The following NOL10 variants were observed in gnomAD, a reference collection of about 807,000 sequenced individuals.
The protein encoded by NOL10 is H_NH0074G24.1.
NOL10 carries 58 observed loss-of-function variants against 103.5 expected under a neutral mutation model. The ratio of observed to expected loss-of-function variants is 0.56; its 90% CI spans 0.45 to 0.70. The LOEUF (loss-of-function observed/expected upper bound fraction) is 0.70. Ranked by LOEUF, NOL10 falls within the 30% of genes least tolerant of loss-of-function variation. NOL10 has a pLI of 0.00. For missense variants in NOL10, 763 were observed against 807.3 expected (o/e 0.95, Z 0.67); for synonymous variants, 287 against 282.5 (o/e 1.02, Z -0.16).
rs1410531347 is a variant in NOL10, at chr2:10,570,772, T to G, written c.*1299A>C. 6.6e-6 allele frequency: 1 copy of G among 151,922 alleles called. No homozygotes were observed. Among genetic ancestry groups the G allele is most frequent in the African/African-American group, 2.4e-5 (1 of 41,358 alleles). The allele number at this position is 151,922 out of a possible 1,614,324, so 9.4% of individuals were successfully genotyped here. ...GTCTTTCTCAAAGAAGCTATTCAAATGAAAGTATATTTATTTTTATAAATG... is the reference window on the plus strand; with the variant it reads ...GTCTTTCTCAAAGAAGCTATTCAAAGGAAAGTATATTTATTTTTATAAATG... On this transcript the variant is annotated 3_prime_UTR_variant, in exon 21 of 21. Transcript: ENST00000381685.
chr2:10,622,609 CTG>C (rs1458252443), intron 13 of NOL10, among the ~76,000 whole-genome samples: 1 of 152,122 alleles, frequency 6.6e-6, no homozygotes. Flanking sequence ...TTCAAGTACT[CTG>C]TAAAGGAGCG....
chr2:10,622,260 G>C (rs564191706), intron 13 of NOL10: 1 of 449,946 alleles, frequency 2.2e-6, no homozygotes, highest in Non-Finnish European at 4.6e-6. Context: ...CTTGATTTAC[G>C]TGCTGACCAA....
At chr2:10,688,076 G>A (rs760582026) in intron 1 of NOL10, among the ~76,000 whole-genome samples, 74 of 152,064 alleles carry the variant, frequency 4.9e-4, no homozygotes, top group Non-Finnish European at 9.9e-4. Flanking sequence ...CTTCCTTTTT[G>A]TCACCTCAAC....
At chr2:10,669,441 G>GTATATATATATATATTTTTATTTTTTA in intron 6 of NOL10, among the ~76,000 whole-genome samples, 1 of 139,402 alleles carries the variant, frequency 7.2e-6, no homozygotes, top group Admixed American at 7.5e-5. Context: ...GTATGTATTT[G>GTATATATATATATATTTTTATTTTTTA]TATATATATA....
intron 13 of NOL10, among the ~76,000 whole-genome samples, chr2:10,638,330 G>GACGTA (rs3061339): frequency 0.041 from 3,765 of 92,730 alleles, 88 homozygotes; most frequent in East Asian, 0.13. Context: ...GACGTGACGT[G>GACGTA]ACGTAACGTA....
intron 12 of NOL10, among the ~76,000 whole-genome samples, chr2:10,646,764 C>CT (rs1558318816): frequency 6.6e-6 from 1 of 152,332 alleles, no homozygotes; most frequent in East Asian, 1.9e-4. Context: ...CACTGACAGT[C>CT]TACCAATTCC....
At chr2:10,610,871 T>C (rs1336262733) in intron 13 of NOL10, among the ~76,000 whole-genome samples, 5 of 152,274 alleles carry the variant, frequency 3.3e-5, no homozygotes. Flanking sequence ...GGACTATCAC[T>C]ACTACCTCAA....
intron 17 of NOL10, among the ~76,000 whole-genome samples, chr2:10,593,004 A>C (rs1675468979): frequency 6.6e-6 from 1 of 152,244 alleles, no homozygotes; most frequent in Non-Finnish European, 1.5e-5. Flanking sequence ...AAAACATTAA[A>C]GTACTATTCA....
At chr2:10,677,436 A>C (rs1572432000) in intron 3 of NOL10, among the ~76,000 whole-genome samples, 1 of 151,800 alleles carries the variant, frequency 6.6e-6, no homozygotes, top group Non-Finnish European at 1.5e-5. Context: ...AAAGAAAAAA[A>C]AAAGGTTATT....
At chr2:10,628,386 T>C (rs1381050648) in intron 13 of NOL10, among the ~76,000 whole-genome samples, 3 of 152,158 alleles carry the variant, frequency 2.0e-5, no homozygotes, top group African/African-American at 7.2e-5. Context: ...ACTTAACCTT[T>C]ATTCCTTTGA....
At chr2:10,621,534 C>CAGTG (rs1677148176) in intron 13 of NOL10, among the ~76,000 whole-genome samples, 1 of 152,166 alleles carries the variant, frequency 6.6e-6, no homozygotes, top group Non-Finnish European at 1.5e-5. Flanking sequence ...TTCAAGGCTG[C>CAGTG]AGTGAGCTGT....
intron 13 of NOL10, among the ~76,000 whole-genome samples, chr2:10,638,472 A>G (rs1678456580): frequency 7.0e-6 from 1 of 143,826 alleles, no homozygotes. Context: ...ATACCCTTAT[A>G]GCTGAATTCC....
chr2:10,596,049 A>G (rs1279099795), intron 17 of NOL10, among the ~76,000 whole-genome samples: 1 of 152,174 alleles, frequency 6.6e-6, no homozygotes, highest in Non-Finnish European at 1.5e-5. Flanking sequence ...GATCCAACCC[A>G]AAGTATCTGT....
intron 20 of NOL10, among the ~76,000 whole-genome samples, chr2:10,573,788 T>C (rs1674309045): frequency 6.6e-6 from 1 of 152,178 alleles, no homozygotes; most frequent in African/African-American, 2.4e-5. Context: ...TCCTGTCCTG[T>C]GTATTCTTCT....
At chr2:10,660,968 C>T (rs1254420241) in intron 9 of NOL10, among the ~76,000 whole-genome samples, 2 of 151,220 alleles carry the variant, frequency 1.3e-5, no homozygotes, top group African/African-American at 4.9e-5. Context: ...TTACCTAAAA[C>T]CAAATCAGAA....
intron 20 of NOL10, among the ~76,000 whole-genome samples, chr2:10,574,999 C>T (rs535321668): frequency 3.3e-5 from 5 of 152,342 alleles, no homozygotes; most frequent in East Asian, 3.9e-4. Flanking sequence ...AAGGCCTTGC[C>T]GCCATGTGGC....
intron 19 of NOL10, among the ~76,000 whole-genome samples, chr2:10,587,275 A>ATATATTTT (rs1280231319): frequency 4.4e-5 from 1 of 22,582 alleles, no homozygotes; most frequent in African/African-American, 2.9e-4. Context: ...ATATATATAT[A>ATATATTTT]TTTTTTTTTT....
intron 8 of NOL10, among the ~76,000 whole-genome samples, chr2:10,664,587 C>A (rs992662633): frequency 2.6e-5 from 4 of 152,228 alleles, no homozygotes; most frequent in Admixed American, 1.3e-4. Context: ...AGTCGCCCAG[C>A]TGGAGTGCAG....
At chr2:10,644,639 T>C (rs1214277420) in intron 12 of NOL10, among the ~76,000 whole-genome samples, 1 of 152,226 alleles carries the variant, frequency 6.6e-6, no homozygotes, top group Non-Finnish European at 1.5e-5. Context: ...TGTTATCATC[T>C]ACACCAGAAA....
Sources: allele counts gnomAD v4.1 joint callset (sites outside exome capture counted in the v4.1 genomes callset), GRCh38; gene constraint gnomAD v4.1.1; transcripts MANE v1.5; gene names NCBI Gene and HGNC (gene_info 2026-07-23, HGNC 2026-07-21).